ST8SIA1: variants seen among roughly 807,000 people sequenced by gnomAD.
ST8SIA1 encodes the protein alpha-N-acetylneuraminide alpha-2,8-sialyltransferase.
ST8SIA1 carries 16 observed loss-of-function variants against 35.9 expected under a neutral mutation model. That is an observed-to-expected ratio of 0.45 (90% CI 0.30 to 0.68). ST8SIA1 has a LOEUF of 0.68. ST8SIA1 is among the 30% of genes least tolerant of loss of function. The pLI, the probability that ST8SIA1 is intolerant of heterozygous loss-of-function variation, is 0.09. For missense variants in ST8SIA1, 383 were observed against 453.6 expected, an observed-to-expected ratio of 0.84 and a Z score of 1.41; for synonymous variants, 170 against 169.6, an observed-to-expected ratio of 1.00 and a Z score of -0.02.
intron 3 of ST8SIA1, 127 bp from the exon 4 acceptor site, chr12:22,249,225 T>G (rs1410033735): frequency 1.4e-5 from 9 of 658,786 alleles, no homozygotes; most frequent in East Asian, 2.9e-5. Context: ...TTTTTGTTTT[T>G]TTTTTTTTTT....
intron 1 of ST8SIA1, among the ~76,000 whole-genome samples, chr12:22,288,840 T>G (rs1243386378): frequency 6.6e-6 from 1 of 152,208 alleles, no homozygotes; most frequent in Admixed American, 6.5e-5. Context: ...TATTGGTGTT[T>G]TGCCACCCAA....
chr12:22,328,867 C>T (rs980384331), intron 1 of ST8SIA1, among the ~76,000 whole-genome samples: 2 of 152,128 alleles, frequency 1.3e-5, no homozygotes, highest in South Asian at 4.1e-4. Context: ...GAGAAATGAG[C>T]AATGAAGGCT....
intron 4 of ST8SIA1, among the ~76,000 whole-genome samples, chr12:22,208,494 G>A (rs952480294): frequency 3.9e-5 from 6 of 152,008 alleles, no homozygotes; most frequent in African/African-American, 1.2e-4. Context: ...TTTGAAATAA[G>A]CCTAAAAATA....
At chr12:22,219,381 G>C (rs1214482588) in intron 4 of ST8SIA1, among the ~76,000 whole-genome samples, 1 of 152,140 alleles carries the variant, frequency 6.6e-6, no homozygotes, top group Non-Finnish European at 1.5e-5. Flanking sequence ...CTGAAAATCT[G>C]AGAAGGGTGT....
rs549695730 is a variant in ST8SIA1 at position 22,207,311 on chromosome 12, C to T, written c.585-5273G>A. On this transcript the variant is annotated intron_variant, in intron 4 of 4. Transcript: ENST00000396037. ...TAGACACTGACTATTGATTTGATTG[C>T]GATATGTCTGGACTGAGAGGTCAAG... Among the ~76,000 whole-genome samples the T allele has an allele frequency of 2.0e-4, 30 of 152,210 alleles. No homozygotes were observed. The South Asian group carries it at 3.5e-3, about 18-fold the overall frequency.
At chr12:22,318,673 T>C (rs1337423285) in intron 1 of ST8SIA1, among the ~76,000 whole-genome samples, 1 of 152,230 alleles carries the variant, frequency 6.6e-6, no homozygotes, top group African/African-American at 2.4e-5. Context: ...TGTACGGCTC[T>C]TGAGGAATGG....
intron 3 of ST8SIA1, among the ~76,000 whole-genome samples, 155 bp downstream of exon 3, chr12:22,255,125 C>G (rs559038336): frequency 1.3e-5 from 2 of 152,152 alleles, no homozygotes; most frequent in Non-Finnish European, 2.9e-5. Context: ...TTACCCCTCT[C>G]CTAAACTCGC....
At chr12:22,332,825 A>G (rs1463431245) in intron 1 of ST8SIA1, among the ~76,000 whole-genome samples, 1 of 152,194 alleles carries the variant, frequency 6.6e-6, no homozygotes, top group African/African-American at 2.4e-5. Context: ...AAATAACTGC[A>G]GTGAAAAATG....
At chr12:22,325,424 C>T (rs1256145264) in intron 1 of ST8SIA1, 2 of 701,682 alleles carry the variant, frequency 2.9e-6, no homozygotes, top group Non-Finnish European at 2.6e-6. Context: ...ACAGCTCTTA[C>T]GGTCTTGGCT....
rs1864998453 is a variant in ST8SIA1, at chr12:22,197,129, CCCACTTCTA to C, written c.*4414_*4422del. 1 of 152,186 alleles carries C rather than the reference CCCACTTCTA, an allele frequency of 6.6e-6. No individual in the cohort carries two copies. Among genetic ancestry groups the C allele is most frequent in the South Asian group, 2.1e-4 (1 of 4,828 alleles). The allele number at this position is 152,186 out of a possible 1,614,324, so 9.4% of individuals were successfully genotyped here. A position where few individuals can be genotyped will look rare whatever the true frequency, so the allele number is the denominator to read the frequency against. ...GGTTGCCAGGCCTTGAAATTGTTAA[CCCACTTCTA>C]CCACTTCCACCCCTGACGTGTGCCC... On this transcript the variant is annotated 3_prime_UTR_variant, in exon 5 of 5. Transcript: ENST00000396037.
chr12:22,249,213 G>GTTTTTTTTTTTTTTTT (rs771983175), intron 3 of ST8SIA1, 115 bp from the exon 4 acceptor site: 1 of 455,278 alleles, frequency 2.2e-6, no homozygotes. Context: ...TAACTGTTTT[G>GTTTTTTTTTTTTTTTT]TTTTTTGTTT....
intron 1 of ST8SIA1, among the ~76,000 whole-genome samples, chr12:22,304,298 A>AT (rs1016844156): frequency 3.9e-5 from 5 of 127,188 alleles, no homozygotes; most frequent in East Asian, 4.7e-4. Context: ...TCATGTTGGC[A>AT]TTTTTTTTCT....
At chr12:22,279,138 C>T (rs1866004973) in intron 2 of ST8SIA1, among the ~76,000 whole-genome samples, 1 of 152,246 alleles carries the variant, frequency 6.6e-6, no homozygotes, top group South Asian at 2.1e-4. Context: ...ACACCTGAAC[C>T]TACAGCTGGG....
chr12:22,201,370 A>G lies in ST8SIA1; in HGVS notation c.*182T>C. The G allele has an allele frequency of 2.7e-6, 2 of 750,652 alleles. No individual in the cohort carries two copies. The highest frequency in any genetic ancestry group is 4.1e-6 in the Non-Finnish European group (2 of 486,274). 46.5% of individuals were successfully genotyped at this position (750,652 alleles called of 1,614,324 possible). The stretch of plus-strand genomic sequence containing the variant: ...TATAAAGTATTTCATAGGATGTTTC[A>G]TTTCTTATTTGTCCTCCAAGCCAAC... On this transcript the variant is annotated 3_prime_UTR_variant, in exon 5 of 5. Coordinates refer to ENST00000396037, the MANE Select transcript of ST8SIA1 (RefSeq NM_003034.4).
intron 1 of ST8SIA1, among the ~76,000 whole-genome samples, chr12:22,314,384 T>C (rs558586459): frequency 6.7e-5 from 10 of 150,056 alleles, no homozygotes; most frequent in African/African-American, 2.3e-4. Context: ...ATCATGGTGA[T>C]AGCTTTAACT....
intron 3 of ST8SIA1, among the ~76,000 whole-genome samples, chr12:22,251,342 A>G (rs1331403337): frequency 6.6e-6 from 1 of 152,174 alleles, no homozygotes; most frequent in Non-Finnish European, 1.5e-5. Flanking sequence ...GGGTCTTTTC[A>G]TATTTACTGC....
At chr12:22,248,124 T>G (rs185063065) in intron 4 of ST8SIA1, among the ~76,000 whole-genome samples, 1 of 152,328 alleles carries the variant, frequency 6.6e-6, no homozygotes, top group East Asian at 1.9e-4. Context: ...CATTTCTAGA[T>G]ATCTATTTTA....
At chr12:22,315,080 C>T (rs1376623999) in intron 1 of ST8SIA1, among the ~76,000 whole-genome samples, 1 of 152,114 alleles carries the variant, frequency 6.6e-6, no homozygotes, top group African/African-American at 2.4e-5. Flanking sequence ...CTACCAAGTA[C>T]CAGCATTTAA....
At chr12:22,327,032 T>C (rs1866690610) in intron 1 of ST8SIA1, among the ~76,000 whole-genome samples, 1 of 152,170 alleles carries the variant, frequency 6.6e-6, no homozygotes, top group African/African-American at 2.4e-5. Flanking sequence ...AGAAGACTGA[T>C]AGACTCCCAA....
Sources: gnomAD v4.1 joint callset for allele counts (sites outside exome capture counted in the v4.1 genomes callset) on GRCh38, gnomAD v4.1.1 for gene constraint, MANE v1.5 for transcripts, NCBI Gene and HGNC (gene_info 2026-07-23, HGNC 2026-07-21) for gene names.